The following EXD2 variants were observed in gnomAD, a reference collection of about 807,000 sequenced individuals.
The protein encoded by EXD2 is exonuclease 3'-5' domain-containing protein 2.
A neutral mutation model predicts 62.5 loss-of-function variants in EXD2; 40 were observed. The ratio of observed to expected loss-of-function variants is 0.64; its 90% CI spans 0.50 to 0.83. The LOEUF (loss-of-function observed/expected upper bound fraction) is 0.83. Ranked by LOEUF, EXD2 falls within the 40% of genes least tolerant of loss-of-function variation. The probability of loss-of-function intolerance (pLI) is 0.00; values close to 1 mark genes in which losing one functional copy is unlikely to be tolerated. For synonymous variants in EXD2, 239 were observed against 291.9 expected (o/e 0.82, Z 1.85); for missense variants, 671 against 761.8 (o/e 0.88, Z 1.40).
At chr14:69,218,284 C>T (rs1330020329) in intron 3 of EXD2, among the ~76,000 whole-genome samples, 7 of 152,042 alleles carry the variant, frequency 4.6e-5, no homozygotes, top group East Asian at 3.9e-4. Context: ...TCTGATGGCC[C>T]GTGATGATGA....
At chr14:69,235,258 G>C (rs2043737382) in intron 6 of EXD2, among the ~76,000 whole-genome samples, 1 of 152,116 alleles carries the variant, frequency 6.6e-6, no homozygotes, top group African/African-American at 2.4e-5. Context: ...TGACAGTTGG[G>C]GTGGAAATGA....
At chr14:69,208,650 G>T (rs932288469) in intron 2 of EXD2, among the ~76,000 whole-genome samples, 1 of 152,176 alleles carries the variant, frequency 6.6e-6, no homozygotes, top group Non-Finnish European at 1.5e-5. Flanking sequence ...AATGAAAAAG[G>T]AACTATTTTG....
intron 6 of EXD2, among the ~76,000 whole-genome samples, chr14:69,235,378 G>A (rs1319229754): frequency 1.3e-5 from 2 of 152,168 alleles, no homozygotes; most frequent in Non-Finnish European, 2.9e-5. Flanking sequence ...CAGGCTAGCT[G>A]TGGAAAATAA....
chr14:69,218,780 C>T (rs1337269985), intron 3 of EXD2, among the ~76,000 whole-genome samples: 1 of 152,082 alleles, frequency 6.6e-6, no homozygotes, highest in East Asian at 1.9e-4. Flanking sequence ...TTCCCCATTT[C>T]TTGTTTTTTT....
At chr14:69,199,836 AT>A (rs1185340136) in intron 1 of EXD2, among the ~76,000 whole-genome samples, 5 of 152,062 alleles carry the variant, frequency 3.3e-5, no homozygotes, top group African/African-American at 9.7e-5. Flanking sequence ...TTTACAGTTA[AT>A]TTTTTTTATA....
At chr14:69,209,853 T>G in intron 3 of EXD2, 50 bp downstream of exon 3, 1 of 1,329,816 alleles carries the variant, frequency 7.5e-7, no homozygotes, top group East Asian at 2.5e-5. Context: ...CAACTTCTGC[T>G]TTTCCAACTG....
intron 3 of EXD2, among the ~76,000 whole-genome samples, chr14:69,212,698 G>GTTTTTC (rs2042848880): frequency 4.2e-4 from 25 of 58,934 alleles, no homozygotes; most frequent in Admixed American, 8.9e-4. Flanking sequence ...AATGGTTCTT[G>GTTTTTC]ATTTTTTTTT....
intron 1 of EXD2, among the ~76,000 whole-genome samples, chr14:69,200,354 A>G (rs1168526086): frequency 6.6e-6 from 1 of 152,108 alleles, no homozygotes. Flanking sequence ...GGTGATGGTG[A>G]TGGTTGCACA....
intron 3 of EXD2, among the ~76,000 whole-genome samples, chr14:69,216,345 T>C (rs968021079): frequency 1.3e-5 from 2 of 152,244 alleles, no homozygotes; most frequent in Admixed American, 6.5e-5. Context: ...TATTTACCAT[T>C]GCTTTAAAAT....
rs2042214147 is a variant in EXD2, at chr14:69,196,647, AG to A, written c.-132+5059del. 2.7e-5 allele frequency among the ~76,000 whole-genome samples: 4 copies of A among 146,470 alleles called. No homozygotes were observed. The Admixed American group carries it at 2.7e-4, about 10-fold the overall frequency. On this transcript the variant is annotated intron_variant, in intron 1 of 9. Coordinates refer to ENST00000685843, the MANE Select transcript of EXD2 (RefSeq NM_001193360.2). ...CTTTTTTTTTTTTTTTTTGAGAGACAGGGTCTTACTCTGTTGACCAGGCTGG... is the reference window on the plus strand; with the variant it reads ...CTTTTTTTTTTTTTTTTTGAGAGACAGGTCTTACTCTGTTGACCAGGCTGG...
chr14:69,198,746 A>G (rs1208347871), intron 1 of EXD2, among the ~76,000 whole-genome samples: 1 of 152,240 alleles, frequency 6.6e-6, no homozygotes, highest in Non-Finnish European at 1.5e-5. Flanking sequence ...TCATTTTGTG[A>G]ACACGATAGA....
intron 9 of EXD2, among the ~76,000 whole-genome samples, chr14:69,238,789 C>T (rs1170157961): frequency 1.3e-5 from 2 of 152,048 alleles, no homozygotes; most frequent in Non-Finnish European, 2.9e-5. Context: ...CATGCACCAC[C>T]ACACCCAGCT....
rs2044043182 is a variant in EXD2, at chr14:69,243,922, C to T, written c.*2822C>T. ...TTCCCTTCTTCCAACCTTATTGCCT[C>T]ATTTCCCCCTTGTAGTCAATGTTTT... is the stretch of plus-strand genomic sequence containing the variant. On this transcript the variant is annotated 3_prime_UTR_variant, in exon 10 of 10. Coordinates refer to ENST00000685843, the MANE Select transcript of EXD2 (RefSeq NM_001193360.2). The T allele has an allele frequency of 6.6e-6, 1 of 152,012 alleles. No homozygotes were observed. The highest frequency in any genetic ancestry group is 1.5e-5 in the Non-Finnish European group (1 of 68,018). The allele number at this position is 152,012 out of a possible 1,614,324, so 9.4% of individuals were successfully genotyped here.
intron 1 of EXD2, among the ~76,000 whole-genome samples, chr14:69,198,084 T>C (rs2042267093): frequency 1.3e-5 from 2 of 152,260 alleles, no homozygotes; most frequent in South Asian, 4.1e-4. Flanking sequence ...CTTGTTGAAT[T>C]CTTTCCTAGA....
In EXD2 at chr14:69,237,737, C is replaced by G. The variant is rs371199925; in HGVS notation, c.1455C>G (p.Ile485Met). The G allele has an allele frequency of 9.3e-6, 15 of 1,613,896 alleles. No individual in the cohort carries two copies. The Admixed American group carries it at 2.3e-4, about 25-fold the overall frequency. Residue 485 changes from isoleucine (I) to methionine (M), a missense_variant, in exon 9 of 10, where the codon ATC becomes ATG. Ile to Met is a conservative substitution (Grantham distance 10). Coordinates refer to ENST00000685843, the MANE Select transcript of EXD2 (RefSeq NM_001193360.2). ...QQLAKEFQAP[I>M]GSEEGLRLLE... is the part of the protein sequence containing the mutation. ...TGGCCAAGGAGTTCCAGGCCCCCATCGGCTCTGAGGAGGGCTTGCGCCTGC... is the reference window on the plus strand; with the variant it reads ...TGGCCAAGGAGTTCCAGGCCCCCATGGGCTCTGAGGAGGGCTTGCGCCTGC...
At chr14:69,222,259 C>A (rs763928778) in intron 3 of EXD2, among the ~76,000 whole-genome samples, 3 of 151,930 alleles carry the variant, frequency 2.0e-5, no homozygotes, top group Non-Finnish European at 4.4e-5. Context: ...TTAGTCTTTT[C>A]AAATAACCAA....
At chr14:69,216,992 C>G (rs907091410) in intron 3 of EXD2, among the ~76,000 whole-genome samples, 1 of 152,084 alleles carries the variant, frequency 6.6e-6, no homozygotes, top group African/African-American at 2.4e-5. Flanking sequence ...TCTCATCCTC[C>G]TCTCCTCCCA....
intron 2 of EXD2, among the ~76,000 whole-genome samples, chr14:69,207,902 T>TC (rs1764416538): frequency 6.6e-6 from 1 of 151,730 alleles, no homozygotes; most frequent in African/African-American, 2.4e-5. Context: ...ACTTTTTTTT[T>TC]TTTTTTCTTT....
intron 3 of EXD2, among the ~76,000 whole-genome samples, chr14:69,218,829 A>T (rs1435801388): frequency 4.0e-5 from 6 of 151,864 alleles, no homozygotes; most frequent in Non-Finnish European, 8.8e-5. Context: ...GATGTGTGGT[A>T]TTATTTTTGA....
Sources: allele counts gnomAD v4.1 joint callset (sites outside exome capture counted in the v4.1 genomes callset), GRCh38; gene constraint gnomAD v4.1.1; transcripts MANE v1.5; gene names NCBI Gene and HGNC (gene_info 2026-07-23, HGNC 2026-07-21).